Variants in GRID1 observed in about 807,000 individuals in gnomAD.
GRID1 encodes the protein glutamate receptor ionotropic, delta-1.
GRID1 carries 28 observed loss-of-function variants against 98.0 expected under a neutral mutation model. The ratio of observed to expected loss-of-function variants is 0.29; its 90% CI spans 0.21 to 0.39. The LOEUF (loss-of-function observed/expected upper bound fraction) is 0.39. GRID1 is among the 10% of genes least tolerant of loss of function. The probability of loss-of-function intolerance (pLI) is 1.00; values close to 1 mark genes in which losing one functional copy is unlikely to be tolerated. For synonymous variants in GRID1, 553 were observed against 538.5 expected, an observed-to-expected ratio of 1.03 and a Z score of -0.37; for missense variants, 1,111 against 1,340.5, an observed-to-expected ratio of 0.83 and a Z score of 2.67.
chr10:86,338,436 T>A (rs56330831), intron 2 of GRID1, among the ~76,000 whole-genome samples: 1,663 of 152,128 alleles, frequency 0.011, 32 homozygotes, highest in African/African-American at 0.037. Context: ...GAATCCAGCC[T>A]GCCCTGAATC....
chr10:86,027,893 T>C (rs1165556945), intron 4 of GRID1, among the ~76,000 whole-genome samples: 2 of 152,226 alleles, frequency 1.3e-5, no homozygotes, highest in Non-Finnish European at 2.9e-5. Flanking sequence ...GAATTTCTCA[T>C]TGGCTGTATA....
intron 13 of GRID1, among the ~76,000 whole-genome samples, chr10:85,626,346 T>C (rs1247414963): frequency 2.0e-5 from 3 of 152,240 alleles, no homozygotes; most frequent in African/African-American, 7.2e-5. Context: ...TCCTCTGCCC[T>C]GGTTAGACTT....
intron 4 of GRID1, among the ~76,000 whole-genome samples, chr10:85,937,233 A>G (rs1037167220): frequency 6.6e-6 from 1 of 152,252 alleles, no homozygotes; most frequent in Admixed American, 6.5e-5. Flanking sequence ...AAGAGCAAAG[A>G]TGCTAAAGAT....
intron 2 of GRID1, chr10:86,264,905 G>T: frequency 2.6e-6 from 1 of 384,208 alleles, no homozygotes; most frequent in South Asian, 2.0e-5. Context: ...TAGAGGAGAA[G>T]GGCTACTCCC....
At chr10:86,060,638 C>T (rs1843635765) in intron 4 of GRID1, among the ~76,000 whole-genome samples, 1 of 152,230 alleles carries the variant, frequency 6.6e-6, no homozygotes, top group Admixed American at 6.5e-5. Context: ...GGATGCTCCA[C>T]CACAGCAGGG....
At chr10:85,922,232 C>A (rs1055647774) in intron 4 of GRID1, among the ~76,000 whole-genome samples, 1 of 152,164 alleles carries the variant, frequency 6.6e-6, no homozygotes, top group Admixed American at 6.5e-5. Context: ...TTATAAGTCA[C>A]GGTGCTGTCC....
chr10:85,781,912 C>G (rs1842385047), intron 8 of GRID1, among the ~76,000 whole-genome samples: 1 of 152,036 alleles, frequency 6.6e-6, no homozygotes, highest in South Asian at 2.1e-4. Context: ...ATCTTAATCA[C>G]TAGGCCCTGA....
chr10:86,143,361 C>T (rs73346009), intron 3 of GRID1, among the ~76,000 whole-genome samples: 10,098 of 152,214 alleles, frequency 0.066, 634 homozygotes, highest in South Asian at 0.15. Context: ...CTTCAAGAAA[C>T]CAAATTTGTA....
chr10:86,078,783 C>T (rs2131927821), intron 4 of GRID1, among the ~76,000 whole-genome samples: 1 of 152,314 alleles, frequency 6.6e-6, no homozygotes, highest in Non-Finnish European at 1.5e-5. Context: ...ACCTAGGACC[C>T]CCAGCCCCCT....
chr10:85,695,773 A>G (rs1471055956), intron 12 of GRID1, among the ~76,000 whole-genome samples: 1 of 152,140 alleles, frequency 6.6e-6, no homozygotes, highest in African/African-American at 2.4e-5. Flanking sequence ...CAACCAACCA[A>G]ACAAACAAAA....
At chr10:86,100,905 G>C (rs1421384215) in intron 4 of GRID1, among the ~76,000 whole-genome samples, 1 of 152,170 alleles carries the variant, frequency 6.6e-6, no homozygotes, top group African/African-American at 2.4e-5. Flanking sequence ...CCTGGATGAG[G>C]CACCTCCACC....
At position 86,206,569 on chromosome 10, in the gene GRID1, G is replaced by T. The variant is rs1332848832; in HGVS notation, c.315C>A (p.Leu105=). 1 of 1,614,200 alleles carries T rather than the reference G, an allele frequency of 6.2e-7. No individual in the cohort carries two copies. The highest frequency in any genetic ancestry group is 1.1e-5 in the South Asian group (1 of 91,080). Residue 105 remains leucine (L), a synonymous_variant, in exon 3 of 16, where the codon CTC becomes CTA. Transcript: ENST00000327946. This position sits in a 1 kb window ranked among gnomAD's most constrained non-coding sequence, Gnocchi z 4.1. ...GGTGTGGGATGTGCATGGCATCCGT[G>T]AGGGACTGCAGGGCATTGGCAGATG... The part of the protein sequence containing the change: ...GCASANALQS[L]TDAMHIPHLF...
chr10:86,343,548 C>T (rs1564744283), intron 2 of GRID1, among the ~76,000 whole-genome samples: 1 of 152,206 alleles, frequency 6.6e-6, no homozygotes, highest in Non-Finnish European at 1.5e-5. Context: ...TGAAATATTC[C>T]TTGCAGAGAA....
intron 8 of GRID1, among the ~76,000 whole-genome samples, chr10:85,803,595 A>AT (rs1220438558): frequency 1.3e-5 from 2 of 151,934 alleles, no homozygotes; most frequent in African/African-American, 4.8e-5. Context: ...TAACAAAAGC[A>AT]TTTTCAAAAA....
chr10:85,854,579 G>C lies in GRID1; in HGVS notation c.1150C>G (p.Arg384Gly), dbSNP rs992337342. 1 of 1,613,674 alleles carries C rather than the reference G, an allele frequency of 6.2e-7. No individual in the cohort carries two copies. Among genetic ancestry groups the C allele is most frequent in the Non-Finnish European group, 8.5e-7 (1 of 1,179,582 alleles). Residue 384 changes from arginine to glycine, a missense_variant, in exon 8 of 16, where the codon CGG becomes GGG. This residue lies in a region of GRID1 where 762 missense variants were observed against 869.1 expected (regional missense o/e 0.88). Coordinates refer to ENST00000327946, the MANE Select transcript of GRID1 (RefSeq NM_017551.3). The part of the protein sequence containing the change: ...ITGLTGVMEF[R>G]EDSSNPYVQF... ...ACATAGGGATTCGAACTGTCCTCCC[G>C]AAACTCCATCACCCCAGTGAGGCCA...
intron 4 of GRID1, among the ~76,000 whole-genome samples, chr10:86,086,042 A>G (rs1806590): frequency 0.33 from 49,537 of 151,710 alleles, 9,702 homozygotes; most frequent in African/African-American, 0.55. Context: ...GTCCCTTCCC[A>G]TCAGAGTGCT....
At position 85,619,979 on chromosome 10, in the gene GRID1, C is replaced by T; in HGVS notation, c.2248G>A (p.Ala750Thr). ...ACCGAGCAGTCGTCATCCGTCAGGGCTGCGTATTCCACCACGGCCACATCC... is the reference window on the plus strand; with the variant it reads ...ACCGAGCAGTCGTCATCCGTCAGGGTTGCGTATTCCACCACGGCCACATCC... The part of the protein sequence containing the change: ...LWDVAVVEYA[A>T]LTDDDCSVTV... The change falls in exon 14 of 16, where the codon GCC becomes ACC. Residue 750 changes from alanine (A) to threonine (T), a missense_variant. This residue lies in a region of GRID1 where 762 missense variants were observed against 869.1 expected (regional missense o/e 0.88). Coordinates refer to ENST00000327946, the MANE Select transcript of GRID1 (RefSeq NM_017551.3). 6.2e-7 allele frequency: 1 copy of T among 1,614,032 alleles called. No homozygotes were observed. The highest frequency in any genetic ancestry group is 1.3e-5 in the African/African-American group (1 of 75,030).
intron 8 of GRID1, among the ~76,000 whole-genome samples, chr10:85,833,517 C>T (rs1842887162): frequency 6.7e-6 from 1 of 148,484 alleles, no homozygotes; most frequent in South Asian, 2.1e-4. Flanking sequence ...CAGGATATAA[C>T]TCCCAACAAA....
intron 2 of GRID1, among the ~76,000 whole-genome samples, chr10:86,253,610 G>A (rs941893469): frequency 6.6e-6 from 1 of 152,008 alleles, no homozygotes; most frequent in East Asian, 1.9e-4. Context: ...AGCTCCACCC[G>A]CCTTCTTGGA....
Sources: allele counts gnomAD v4.1 joint callset (sites outside exome capture counted in the v4.1 genomes callset), GRCh38; gene constraint gnomAD v4.1.1; regional missense constraint gnomAD v4.1.1; non-coding constraint Gnocchi (gnomAD v3.1); transcripts MANE v1.5; gene names NCBI Gene and HGNC (gene_info 2026-07-23, HGNC 2026-07-21).